Variants in HEXB observed in about 807,000 individuals in gnomAD.
HEXB encodes the protein hexosaminidase subunit beta.
HEXB carries 51 observed loss-of-function variants against 71.2 expected under a neutral mutation model. The observed-to-expected ratio is 0.72, with a 90% CI of 0.57 to 0.90. HEXB has a LOEUF of 0.90. Ranked by LOEUF, HEXB falls within the 40% of genes least tolerant of loss-of-function variation. The pLI is 0.00. For missense variants in HEXB, 617 were observed against 677.0 expected, an observed-to-expected ratio of 0.91 and a Z score of 0.98; for synonymous variants, 266 against 249.3, an observed-to-expected ratio of 1.07 and a Z score of -0.63.
At position 74,658,136 on chromosome 5, in the gene HEXB, A is replaced by G. The variant is rs192000775; in HGVS notation, c.-377+17578A>G. Among the ~76,000 whole-genome samples, 16 of 152,302 alleles carry G rather than the reference A, an allele frequency of 1.1e-4. No homozygotes were observed. In the East Asian group the frequency reaches 3.1e-3, roughly 29 times the overall value. On this transcript the variant is annotated intron_variant, in intron 1 of 13. Transcript: ENST00000511181. ...CGTCTGATGTCTGTGAGCTTTGGGA[A>G]CTAGCAGCACTGAGGGCTTCAGCAC...
At chr5:74,709,666 T>C (rs1178623342) in intron 6 of HEXB, among the ~76,000 whole-genome samples, 27 of 152,086 alleles carry the variant, frequency 1.8e-4, no homozygotes, top group Non-Finnish European at 2.8e-4. Context: ...AACACCTCTA[T>C]GCAAATAAAC....
chr5:74,703,340 T>G (rs945165421), intron 5 of HEXB, among the ~76,000 whole-genome samples: 2 of 152,240 alleles, frequency 1.3e-5, no homozygotes, highest in African/African-American at 4.8e-5. Context: ...AGGTTCCCTT[T>G]AATTTTGGAG....
At chr5:74,684,721 A>C (rs1580376536), upstream of HEXB, among the ~76,000 whole-genome samples, 1 of 130,324 alleles carries the variant, frequency 7.7e-6, no homozygotes. Context: ...TCTGTTACCC[A>C]GGCTGGAGTG....
intron 6 of HEXB, among the ~76,000 whole-genome samples, chr5:74,706,832 G>A (rs861058): frequency 0.64 from 97,315 of 151,396 alleles, 34,387 homozygotes; most frequent in East Asian, 0.8. Flanking sequence ...GCTCAAGGAG[G>A]CCTGCCTGCC....
At chr5:74,655,069 G>A (rs1748192576) in intron 1 of HEXB, among the ~76,000 whole-genome samples, 1 of 152,060 alleles carries the variant, frequency 6.6e-6, no homozygotes, top group African/African-American at 2.4e-5. Flanking sequence ...AGCCCCCCAA[G>A]AGAGGCTCCC....
At chr5:74,676,878 T>C (rs1452714199) in intron 1 of HEXB, among the ~76,000 whole-genome samples, 1 of 152,094 alleles carries the variant, frequency 6.6e-6, no homozygotes, top group African/African-American at 2.4e-5. Flanking sequence ...TTCTCTGGTT[T>C]TTTGTTTGTT....
upstream of HEXB, chr5:74,685,010 G>A (rs915848769): frequency 4.0e-6 from 2 of 497,988 alleles, no homozygotes; most frequent in Non-Finnish European, 7.0e-6. Flanking sequence ...TAGCCATCCC[G>A]TGTTTGAGGT....
intron 1 of HEXB, among the ~76,000 whole-genome samples, chr5:74,678,078 C>A (rs1748668650): frequency 6.6e-6 from 1 of 152,058 alleles, no homozygotes; most frequent in South Asian, 2.1e-4. Context: ...GGGTGGATCA[C>A]CTGAGGTCAG....
intron 3 of HEXB, among the ~76,000 whole-genome samples, chr5:74,696,074 G>A (rs1344912711): frequency 6.6e-6 from 1 of 152,174 alleles, no homozygotes; most frequent in Non-Finnish European, 1.5e-5. Flanking sequence ...TGACTGAACT[G>A]TTCTTAGGTT....
intron 6 of HEXB, among the ~76,000 whole-genome samples, chr5:74,711,993 G>T (rs897553833): frequency 6.8e-6 from 1 of 148,108 alleles, no homozygotes; most frequent in African/African-American, 2.5e-5. Flanking sequence ...TATGTTTATT[G>T]TGGCACTATT....
upstream of HEXB, among the ~76,000 whole-genome samples, chr5:74,683,932 T>C (rs1748789118): frequency 6.6e-6 from 1 of 151,914 alleles, no homozygotes. Context: ...GCGATTCTCC[T>C]GCCTCAGGCT....
intron 6 of HEXB, among the ~76,000 whole-genome samples, chr5:74,712,362 A>C (rs2112169467): frequency 6.6e-6 from 1 of 151,642 alleles, no homozygotes; most frequent in Non-Finnish European, 1.5e-5. Context: ...GCGCACCAGC[A>C]TGGCACATGT....
intron 2 of HEXB, 43 bp downstream of exon 2, chr5:74,689,516 C>T (rs199793300): frequency 7.6e-6 from 12 of 1,574,182 alleles, no homozygotes; most frequent in East Asian, 4.5e-5. Context: ...CCCAGGTGCT[C>T]GCTGACGGAC....
At chr5:74,710,659 A>G (rs1007055862) in intron 6 of HEXB, among the ~76,000 whole-genome samples, 2 of 151,990 alleles carry the variant, frequency 1.3e-5, no homozygotes, top group African/African-American at 4.8e-5. Flanking sequence ...CAAACAGCCA[A>G]ATCATGAGTG....
chr5:74,685,398 G>A lies in HEXB; in HGVS notation c.138G>A (p.Pro46=), dbSNP rs1378693652. 1 of 1,594,778 alleles carries A rather than the reference G, an allele frequency of 6.3e-7. No individual in the cohort carries two copies. Among genetic ancestry groups the A allele is most frequent in the Non-Finnish European group, 8.5e-7 (1 of 1,172,862 alleles). The change falls in exon 1 of 14, where the codon CCG becomes CCA. Residue 46 remains proline (P), a synonymous_variant. Coordinates refer to ENST00000261416, the MANE Select transcript of HEXB (RefSeq NM_000521.4). Reference sequence around the variant, plus strand: ...AGGTGGCGGAGGCGGCTCGGGCCCCGAGCGTCTCGGCCAAGCCGGGGCCGG... The same window carrying A: ...AGGTGGCGGAGGCGGCTCGGGCCCCAAGCGTCTCGGCCAAGCCGGGGCCGG... ...VVQVAEAARA[P]SVSAKPGPAL...
At chr5:74,661,816 C>G (rs564775327) in intron 1 of HEXB, among the ~76,000 whole-genome samples, 2 of 152,284 alleles carry the variant, frequency 1.3e-5, no homozygotes, top group East Asian at 3.9e-4. Flanking sequence ...ATTTTCCATA[C>G]TGCAGGTTTT....
chr5:74,671,489 A>G (rs1430918274), intron 1 of HEXB, among the ~76,000 whole-genome samples: 1 of 152,076 alleles, frequency 6.6e-6, no homozygotes, highest in Non-Finnish European at 1.5e-5. Context: ...GACAGAAAGC[A>G]GATCAGTACT....
chr5:74,717,875 A>G (rs1749715406), intron 9 of HEXB, among the ~76,000 whole-genome samples: 1 of 152,108 alleles, frequency 6.6e-6, no homozygotes, highest in African/African-American at 2.4e-5. Flanking sequence ...ATATCTGTAA[A>G]TATTTGTGGA....
intron 1 of HEXB, among the ~76,000 whole-genome samples, chr5:74,664,972 C>T (rs544463042): frequency 6.6e-6 from 1 of 152,244 alleles, no homozygotes; most frequent in Admixed American, 6.5e-5. Flanking sequence ...ACAGTGCATA[C>T]TAAAACAGAC....
Sources: allele counts gnomAD v4.1 joint callset (sites outside exome capture counted in the v4.1 genomes callset), GRCh38; gene constraint gnomAD v4.1.1; transcripts MANE v1.5; gene names NCBI Gene and HGNC (gene_info 2026-07-23, HGNC 2026-07-21).